CDH4: variants seen among roughly 807,000 people sequenced by gnomAD.
The protein encoded by CDH4 is cadherin-4.
Under a neutral mutation model 86.0 loss-of-function variants are expected in CDH4, and 33 were observed. That is an observed-to-expected ratio of 0.38 (90% CI 0.29 to 0.51). The LOEUF is 0.51. Among genes scored for constraint, CDH4 ranks in the 20% least tolerant of loss-of-function variants. CDH4 has a pLI of 0.86. For missense variants in CDH4, 1,114 were observed against 1,307.4 expected (o/e 0.85, Z 2.28); for synonymous variants, 555 against 549.4 (o/e 1.01, Z -0.14).
intron 2 of CDH4, among the ~76,000 whole-genome samples, chr20:61,307,611 C>T (rs2084424289): frequency 6.6e-6 from 1 of 152,254 alleles, no homozygotes; most frequent in African/African-American, 2.4e-5. Context: ...CCACCTGCCC[C>T]AGGCAGGAAT....
At chr20:61,549,753 C>T (rs1308932066) in intron 2 of CDH4, among the ~76,000 whole-genome samples, 3 of 152,330 alleles carry the variant, frequency 2.0e-5, no homozygotes, top group African/African-American at 4.8e-5. Context: ...AGAGGTGCTG[C>T]CTTCATGGTT....
At chr20:61,652,945 T>TA in intron 2 of CDH4, among the ~76,000 whole-genome samples, 1 of 122,762 alleles carries the variant, frequency 8.1e-6, no homozygotes, top group African/African-American at 2.7e-5. Context: ...TTTATTTTTT[T>TA]TTTTTTTTTT....
intron 2 of CDH4, among the ~76,000 whole-genome samples, chr20:61,671,310 A>AT (rs1344878600): frequency 6.6e-6 from 1 of 152,198 alleles, no homozygotes; most frequent in African/African-American, 2.4e-5. Context: ...TGTGCAGCAT[A>AT]GAAAGATCCT....
At chr20:61,310,067 C>T (rs914058431) in intron 2 of CDH4, among the ~76,000 whole-genome samples, 2 of 152,092 alleles carry the variant, frequency 1.3e-5, no homozygotes, top group African/African-American at 4.8e-5. Flanking sequence ...AAAGTTCGTG[C>T]CAGTTGGATG....
Position 61,902,615 on chromosome 20 carries a change from T to C in CDH4, c.1188+7568T>C, listed in dbSNP as rs1000532868. Among the ~76,000 whole-genome samples the C allele has an allele frequency of 2.0e-5, 3 of 152,206 alleles. No homozygotes were observed. Among genetic ancestry groups the C allele is most frequent in the Non-Finnish European group, 2.9e-5 (2 of 68,026 alleles). On this transcript the variant is annotated intron_variant, in intron 8 of 15. Coordinates refer to ENST00000614565, the MANE Select transcript of CDH4 (RefSeq NM_001794.5). This position sits in a 1 kb window ranked among gnomAD's most constrained non-coding sequence, Gnocchi z 4.6. ...TGGCAACTCCGAAACTCCGCCATTG[T>C]AGGACAAAAACAACCACAGACAAAA...
At chr20:61,857,307 G>GT (rs928201524) in intron 6 of CDH4, among the ~76,000 whole-genome samples, 1 of 152,250 alleles carries the variant, frequency 6.6e-6, no homozygotes, top group Non-Finnish European at 1.5e-5. Context: ...CCCGGGCTGC[G>GT]TATGTGACCC....
Position 61,417,591 on chromosome 20 carries a change from A to T in CDH4, c.169+162654A>T, listed in dbSNP as rs546768332. 6.6e-6 allele frequency among the ~76,000 whole-genome samples: 1 copy of T among 152,320 alleles called. No homozygotes were observed. Among genetic ancestry groups the T allele is most frequent in the East Asian group, 1.9e-4 (1 of 5,166 alleles). On this transcript the variant is annotated intron_variant, in intron 2 of 15. Coordinates refer to ENST00000614565, the MANE Select transcript of CDH4 (RefSeq NM_001794.5). This position sits in a 1 kb window ranked among gnomAD's most constrained non-coding sequence, Gnocchi z 4.0. ...CTCCCTGGCCCTGTTTCTGGCTGGA[A>T]TGCATTTCTGTATCGCTATCTAGCA...
intron 14 of CDH4, among the ~76,000 whole-genome samples, chr20:61,933,644 T>A (rs1427511732): frequency 6.7e-6 from 1 of 148,432 alleles, no homozygotes; most frequent in Non-Finnish European, 1.5e-5. Flanking sequence ...ACGTGAGGCA[T>A]GTGCCTTGCG....
At position 61,341,120 on chromosome 20, in the gene CDH4, C is replaced by CAA. The variant is rs2084647353; in HGVS notation, c.169+86183_169+86184insAA. 4.6e-5 allele frequency among the ~76,000 whole-genome samples: 7 copies of CAA among 152,340 alleles called. No homozygotes were observed. The South Asian group carries it at 1.2e-3, about 27-fold the overall frequency. On this transcript the variant is annotated intron_variant, in intron 2 of 15. Transcript: ENST00000614565. ...GCCTTCACCGTAAGCTTGCCCTTCT[C>CAA]GCTCAGTGAGATAAAGTGCAAGCAT...
In CDH4 at chr20:61,698,515, C is replaced by T. The variant is rs896893823; in HGVS notation, c.170-45048C>T. Among the ~76,000 whole-genome samples, 3 of 152,206 alleles carry T rather than the reference C, an allele frequency of 2.0e-5. 1 individual carries two copies. The highest frequency in any genetic ancestry group is 2.0e-4 in the Admixed American group (3 of 15,290). On this transcript the variant is annotated intron_variant, in intron 2 of 15. Coordinates refer to ENST00000614565, the MANE Select transcript of CDH4 (RefSeq NM_001794.5). ...TGACTGCAGGTGCCCGCAGAGGGCA[C>T]GGGGGACGTGCCCTTGGTCAGGCGG...
chr20:61,808,152 G>T (rs1173244798), intron 4 of CDH4, among the ~76,000 whole-genome samples: 3 of 151,926 alleles, frequency 2.0e-5, no homozygotes, highest in Admixed American at 6.5e-5. Context: ...GGGGAAGGCT[G>T]CGGGGGCCCA....
Position 61,582,494 on chromosome 20 carries a change from A to G in CDH4, c.170-161069A>G, listed in dbSNP as rs2086437007. ...CAGGCTAACTCTCTGGAATGTTCCAACCTGGTTTCTGGGCACCAGCAGTTC... is the reference window on the plus strand; with the variant it reads ...CAGGCTAACTCTCTGGAATGTTCCAGCCTGGTTTCTGGGCACCAGCAGTTC... On this transcript the variant is annotated intron_variant, in intron 2 of 15. Coordinates refer to ENST00000614565, the MANE Select transcript of CDH4 (RefSeq NM_001794.5). The surrounding 1 kb of genome is among the most constrained non-coding windows in gnomAD (Gnocchi z 4.2). Among the ~76,000 whole-genome samples the G allele has an allele frequency of 6.6e-6, 1 of 152,122 alleles. No homozygotes were observed. Among genetic ancestry groups the G allele is most frequent in the Non-Finnish European group, 1.5e-5 (1 of 68,004 alleles).
chr20:61,543,227 C>T (rs1228427479), intron 2 of CDH4, among the ~76,000 whole-genome samples: 1 of 152,210 alleles, frequency 6.6e-6, no homozygotes, highest in African/African-American at 2.4e-5. Context: ...CAGACACACC[C>T]AGGAGCAGTA....
At chr20:61,827,250 T>A (rs945218645) in intron 4 of CDH4, among the ~76,000 whole-genome samples, 1 of 152,216 alleles carries the variant, frequency 6.6e-6, no homozygotes, top group Non-Finnish European at 1.5e-5. Flanking sequence ...GTGACATTGC[T>A]ACACCGGTGG....
rs144942073 is a variant in CDH4, at chr20:61,758,515, C to T, written c.397-14488C>T. ...CCACGAGGAGTTAGGGGCAGAGGGG[C>T]ACTGAGAGAGAGCCCCGGGGTGAAT... On this transcript the variant is annotated intron_variant, in intron 3 of 15. Transcript: ENST00000614565. Among the ~76,000 whole-genome samples the T allele has an allele frequency of 9.5e-4, 144 of 152,258 alleles. 1 individual carries two copies. Among genetic ancestry groups the T allele is most frequent in the African/African-American group, 3.3e-3 (139 of 41,550 alleles).
In CDH4 at chr20:61,511,039, G is replaced by GA. The variant is rs771423789; in HGVS notation, c.170-232523dup. On this transcript the variant is annotated intron_variant, in intron 2 of 15. Coordinates refer to ENST00000614565, the MANE Select transcript of CDH4 (RefSeq NM_001794.5). ...CAAGAGCCTAATCATCACCAAGGGG[G>GA]ATGGCCCATGCCATTCATGACAGAT... Among the ~76,000 whole-genome samples, 14 of 152,314 alleles carry GA rather than the reference G, an allele frequency of 9.2e-5. No individual in the cohort carries two copies. The East Asian group carries it at 1.9e-3, about 21-fold the overall frequency.
At chr20:61,726,416 T>C (rs551715910) in intron 2 of CDH4, among the ~76,000 whole-genome samples, 1 of 152,110 alleles carries the variant, frequency 6.6e-6, no homozygotes, top group African/African-American at 2.4e-5. Context: ...AATCAGGGTG[T>C]GCTGGGTGTT....
At chr20:61,344,476 T>A (rs754250825) in intron 2 of CDH4, among the ~76,000 whole-genome samples, 1 of 152,238 alleles carries the variant, frequency 6.6e-6, no homozygotes, top group Non-Finnish European at 1.5e-5. Flanking sequence ...GTTGTTAACA[T>A]GGTGAGTTCG....
intron 2 of CDH4, among the ~76,000 whole-genome samples, chr20:61,363,930 T>C (rs2084797638): frequency 6.6e-6 from 1 of 152,206 alleles, no homozygotes; most frequent in Non-Finnish European, 1.5e-5. Flanking sequence ...GAGAGGTGTA[T>C]TAAAGGCATT....
Sources: gnomAD v4.1 joint callset for allele counts (sites outside exome capture counted in the v4.1 genomes callset) on GRCh38, gnomAD v4.1.1 for gene constraint, Gnocchi (gnomAD v3.1) non-coding constraint, MANE v1.5 for transcripts, NCBI Gene and HGNC (gene_info 2026-07-23, HGNC 2026-07-21) for gene names.